The following KIF1C variants were observed in gnomAD, a reference collection of about 807,000 sequenced individuals.
KIF1C encodes the protein kinesin-like protein KIF1C.
In KIF1C, 61 loss-of-function variants were observed where a neutral mutation model predicts 126.5. The observed-to-expected ratio is 0.48, with a 90% CI of 0.39 to 0.60. The LOEUF is 0.60. KIF1C is among the 20% of genes least tolerant of loss of function. The probability of loss-of-function intolerance (pLI) is 0.00; values close to 1 mark genes in which losing one functional copy is unlikely to be tolerated. For synonymous variants in KIF1C, 640 were observed against 580.6 expected (o/e 1.10, Z -1.47); for missense variants, 1,315 against 1,489.2 (o/e 0.88, Z 1.93).
chr17:5,014,786 A>C lies in KIF1C; in HGVS notation c.1615A>C (p.Ile539Leu). Residue 539 changes from isoleucine to leucine, a missense_variant, in exon 18 of 23, where the codon ATT (isoleucine) becomes CTT (leucine). This residue lies in a region of KIF1C where 874 missense variants were observed against 1,053.2 expected (regional missense o/e 0.83). Coordinates refer to ENST00000320785, the MANE Select transcript of KIF1C (RefSeq NM_006612.6). ...DMDIKLTGQFIREQHCLFRSI... is the reference protein window; with the variant it reads ...DMDIKLTGQFLREQHCLFRSI... ...GGACATCAAGCTGACCGGACAGTTC[A>C]TTCGGGAGCAACACTGTCTGTTCCG... 1.9e-6 allele frequency: 3 copies of C among 1,602,532 alleles called. No homozygotes were observed. The highest frequency in any genetic ancestry group is 2.6e-6 in the Non-Finnish European group (3 of 1,175,044).
intron 13 of KIF1C, among the ~76,000 whole-genome samples, chr17:5,006,517 G>C (rs558043468): frequency 2.4e-4 from 36 of 151,408 alleles, no homozygotes; most frequent in African/African-American, 8.5e-4. Flanking sequence ...TTGTATTTTA[G>C]TAGAGACGGG....
At chr17:5,004,479 C>T in intron 11 of KIF1C, 88 bp from the exon 12 acceptor site, 1 of 1,226,812 alleles carries the variant, frequency 8.2e-7, no homozygotes, top group East Asian at 2.3e-5. Context: ...AGACCTCTGC[C>T]TGGGCAGTGG....
Position 5,010,086 on chromosome 17 carries a change from C to A in KIF1C, c.1491+2544C>A, listed in dbSNP as rs182538893. Reference sequence around the variant, plus strand: ...GGATTACAGGCACCCACCACCACGCCGGGCTAATTTTTGTATTTTAGTAGA... The same window carrying A: ...GGATTACAGGCACCCACCACCACGCAGGGCTAATTTTTGTATTTTAGTAGA... On this transcript the variant is annotated intron_variant, in intron 16 of 22. Coordinates refer to ENST00000320785, the MANE Select transcript of KIF1C (RefSeq NM_006612.6). 1.2e-4 allele frequency among the ~76,000 whole-genome samples: 18 copies of A among 152,128 alleles called. No homozygotes were observed. The East Asian group carries it at 3.5e-3, about 30-fold the overall frequency.
At chr17:5,011,039 C>T (rs1974854776) in intron 16 of KIF1C, among the ~76,000 whole-genome samples, 2 of 152,116 alleles carry the variant, frequency 1.3e-5, no homozygotes, top group South Asian at 2.1e-4. Context: ...CATTTCCCCT[C>T]GCCCTTTCCC....
chr17:5,001,380 G>A lies in KIF1C; in HGVS notation c.342G>A (p.Gly114=). The part of the protein sequence containing the change: ...SYTMMGRQEP[G]QQGIVPQLCE... ...CCATGATGGGGCGACAGGAGCCAGG[G>A]CAGCAGGGCATCGTGCCCCAGGTAC... The change falls in exon 5 of 23, where the codon GGG becomes GGA. Residue 114 remains glycine (G), a synonymous_variant. Coordinates refer to ENST00000320785, the MANE Select transcript of KIF1C (RefSeq NM_006612.6). The A allele has an allele frequency of 6.2e-7, 1 of 1,614,068 alleles. No individual in the cohort carries two copies. The highest frequency in any genetic ancestry group is 1.1e-5 in the South Asian group (1 of 91,080).
At chr17:5,002,976 G>A (rs773789117) in intron 8 of KIF1C, 134 bp downstream of exon 8, 225 of 650,976 alleles carry the variant, frequency 3.5e-4, no homozygotes, top group Non-Finnish European at 5.5e-4. Flanking sequence ...TACCATGACC[G>A]CGCCCCACCC....
At position 5,004,632 on chromosome 17, in the gene KIF1C, C is replaced by G. The variant is rs373741991; in HGVS notation, c.1006C>G (p.Leu336Val). Residue 336 changes from leucine (L) to valine (V), a missense_variant, in exon 12 of 23, where the codon CTC (leucine) becomes GTC (valine). By Grantham distance (32) the Leu-to-Val change is conservative. Transcript: ENST00000320785. ...TGCTGACATCAATTACGAGGAGACT[C>G]TCAGCACCCTCAGGTGAGGCTTTTG... ...SPADINYEET[L>V]STLRYADRTK... 9 of 1,613,990 alleles carry G rather than the reference C, an allele frequency of 5.6e-6. No individual in the cohort carries two copies. In the African/African-American group the frequency reaches 6.7e-5, roughly 12 times the overall value.
Position 5,002,536 on chromosome 17 carries a change from G to A in KIF1C, c.502G>A (p.Val168Ile). Residue 168 changes from valine (V) to isoleucine (I), a missense_variant, in exon 7 of 23, where the codon GTC (valine) becomes ATC (isoleucine). This residue lies in a region of KIF1C where 874 missense variants were observed against 1,053.2 expected (regional missense o/e 0.83). Coordinates refer to ENST00000320785, the MANE Select transcript of KIF1C (RefSeq NM_006612.6). ...LNPKSRGSLRVREHPILGPYV... is the reference protein window; with the variant it reads ...LNPKSRGSLRIREHPILGPYV... ...CCCCAAGAGTCGGGGTTCTCTGCGG[G>A]TCCGGGAGCACCCCATCCTGGGCCC... 1.2e-6 allele frequency: 2 copies of A among 1,614,002 alleles called. No homozygotes were observed. The highest frequency in any genetic ancestry group is 2.2e-5 in the East Asian group (1 of 44,882).
At chr17:5,003,576 C>G in intron 8 of KIF1C, 36 bp from the exon 9 acceptor site, 1 of 1,511,406 alleles carries the variant, frequency 6.6e-7, no homozygotes, top group Non-Finnish European at 9.1e-7. Context: ...GTCCCCCACC[C>G]GCACCTTATC....
intron 13 of KIF1C, among the ~76,000 whole-genome samples, chr17:5,005,380 T>C (rs1242952977): frequency 2.6e-5 from 4 of 152,246 alleles, no homozygotes. Flanking sequence ...GACCATAGCC[T>C]AACAGATCTC....
intron 3 of KIF1C, among the ~76,000 whole-genome samples, 187 bp from the exon 4 acceptor site, chr17:5,000,585 G>A (rs1974561326): frequency 6.6e-6 from 1 of 152,136 alleles, no homozygotes; most frequent in African/African-American, 2.4e-5. Flanking sequence ...GCTCAGTGGG[G>A]GCGGGTCCTA....
At position 5,026,082 on chromosome 17, in the gene KIF1C, C is replaced by G. The variant is rs1283612174; in HGVS notation, c.*1931C>G. 6.6e-6 allele frequency: 1 copy of G among 152,184 alleles called. No homozygotes were observed. The highest frequency in any genetic ancestry group is 1.5e-5 in the Non-Finnish European group (1 of 68,038). The allele number at this position is 152,184 out of a possible 1,614,324, so 9.4% of individuals were successfully genotyped here. A position where few individuals can be genotyped will look rare whatever the true frequency, so the allele number is the denominator to read the frequency against. ...AAACCATAGATATCCCAACTGCAGC[C>G]AAACCACGGCTCTGGGCGAAGGAAC... is the stretch of plus-strand genomic sequence containing the variant. On this transcript the variant is annotated 3_prime_UTR_variant, in exon 23 of 23. Transcript: ENST00000320785.
rs1975060189 is a variant in KIF1C at position 5,020,327 on chromosome 17, C to T, written c.1751-165C>T. On this transcript the variant is annotated intron_variant, in intron 19 of 22. Transcript: ENST00000320785. This position sits in a 1 kb window ranked among gnomAD's most constrained non-coding sequence, Gnocchi z 5.8. ...TTTGGTTGACAAGAATGGGGTTGGT[C>T]CCTGGGTGTCAGCCAGGGGAGCATA... 6.6e-6 allele frequency among the ~76,000 whole-genome samples: 1 copy of T among 152,180 alleles called. No individual in the cohort carries two copies. The highest frequency in any genetic ancestry group is 2.4e-5 in the African/African-American group (1 of 41,440).
Position 4,999,892 on chromosome 17 carries a change from G to A in KIF1C, c.-106G>A. On this transcript the variant is annotated 5_prime_UTR_variant, in exon 2 of 23. Transcript: ENST00000320785. ...CAGCTGGTGTGGCCAGGCCCCAGGA[G>A]TAGGATGGGGCTCCCCCTACGAGGG... The A allele has an allele frequency of 3.9e-6, 1 of 258,888 alleles. No homozygotes were observed. Among genetic ancestry groups the A allele is most frequent in the Non-Finnish European group, 7.5e-6 (1 of 132,500 alleles). The allele number at this position is 258,888 out of a possible 1,614,324, so 16.0% of individuals were successfully genotyped here.
chr17:4,998,442 C>G (rs1323828214), intron 1 of KIF1C, among the ~76,000 whole-genome samples: 1 of 152,160 alleles, frequency 6.6e-6, no homozygotes, highest in East Asian at 1.9e-4. Context: ...GCCGGTCGGC[C>G]CCACCCCAGC....
rs551185514 is a variant in KIF1C at position 5,015,543 on chromosome 17, C to T, written c.1666+706C>T. ...AGGTGATCCGCCTGCCTCGGCCTTC[C>T]GAAGTGCTGGGATTACAGGCGTGAG... On this transcript the variant is annotated intron_variant, in intron 18 of 22. Coordinates refer to ENST00000320785, the MANE Select transcript of KIF1C (RefSeq NM_006612.6). Among the ~76,000 whole-genome samples, 53 of 148,546 alleles carry T rather than the reference C, an allele frequency of 3.6e-4. 1 individual carries two copies. The highest frequency in any genetic ancestry group is 3.0e-3 in the Admixed American group (44 of 14,844).
chr17:5,022,000 G>A (rs1975099559), intron 21 of KIF1C, 92 bp from the exon 22 acceptor site: 8 of 1,400,564 alleles, frequency 5.7e-6, no homozygotes, highest in African/African-American at 1.4e-5. Context: ...CCTGATGGGC[G>A]TGTTTCCAGT....
At position 5,028,059 on chromosome 17, in the gene KIF1C, G is replaced by C. The variant is rs903820838; in HGVS notation, c.*3908G>C. Reference sequence around the variant, plus strand: ...ATCTTCCCAGGCATTTCATGAACTTGCGTCTAGTTTCTGTTCCCTCTCAAA... The same window carrying C: ...ATCTTCCCAGGCATTTCATGAACTTCCGTCTAGTTTCTGTTCCCTCTCAAA... On this transcript the variant is annotated 3_prime_UTR_variant, in exon 23 of 23. Transcript: ENST00000320785. The C allele has an allele frequency of 6.6e-6, 1 of 152,122 alleles. No homozygotes were observed. Among genetic ancestry groups the C allele is most frequent in the Non-Finnish European group, 1.5e-5 (1 of 68,028 alleles). 9.4% of individuals were successfully genotyped at this position (152,122 alleles called of 1,614,324 possible).
chr17:4,998,484 C>T (rs1974454382), intron 1 of KIF1C, among the ~76,000 whole-genome samples: 2 of 152,206 alleles, frequency 1.3e-5, no homozygotes, highest in Non-Finnish European at 2.9e-5. Flanking sequence ...CCCACGGCTC[C>T]TTCACAGCTG....
Sources: allele counts gnomAD v4.1 joint callset (sites outside exome capture counted in the v4.1 genomes callset), GRCh38; gene constraint gnomAD v4.1.1; regional missense constraint gnomAD v4.1.1; non-coding constraint Gnocchi (gnomAD v3.1); transcripts MANE v1.5; gene names NCBI Gene and HGNC (gene_info 2026-07-23, HGNC 2026-07-21).